ABI2: variants seen among roughly 807,000 people sequenced by gnomAD.
ABI2 encodes the protein abelson interactor 2.
ABI2 carries 25 observed loss-of-function variants against 59.2 expected under a neutral mutation model. The observed-to-expected ratio is 0.42, with a 90% CI of 0.31 to 0.59. The LOEUF is 0.59. Among genes scored for constraint, ABI2 ranks in the 20% least tolerant of loss-of-function variants. The pLI is 0.14. For missense variants in ABI2, 545 were observed against 681.8 expected (o/e 0.80, Z 2.23); for synonymous variants, 213 against 235.5 (o/e 0.90, Z 0.87).
chr2:203,369,286 T>G (rs946286343), intron 2 of ABI2, among the ~76,000 whole-genome samples: 1 of 151,998 alleles, frequency 6.6e-6, no homozygotes, highest in Non-Finnish European at 1.5e-5. Context: ...AGAACAAATA[T>G]AGAAGAGAAA....
chr2:203,385,560 G>A (rs2096467454), intron 4 of ABI2, among the ~76,000 whole-genome samples: 1 of 152,200 alleles, frequency 6.6e-6, no homozygotes, highest in Non-Finnish European at 1.5e-5. Context: ...AAAATGGACT[G>A]TTTTCACTTG....
chr2:203,372,645 C>T (rs1257442889), intron 2 of ABI2, among the ~76,000 whole-genome samples: 6 of 151,634 alleles, frequency 4.0e-5, no homozygotes, highest in Non-Finnish European at 5.9e-5. Flanking sequence ...GGCAGCTGGC[C>T]GGGCAGAGGG....
intron 6 of ABI2, 167 bp downstream of exon 6, chr2:203,395,013 T>C (rs2096915390): frequency 1.2e-6 from 1 of 818,502 alleles, no homozygotes; most frequent in Non-Finnish European, 2.0e-6. Context: ...GATTCAACTT[T>C]GAGCAGTCAG....
chr2:203,367,071 C>T (rs749300109), intron 2 of ABI2, 27 bp downstream of exon 2: 66 of 1,593,846 alleles, frequency 4.1e-5, no homozygotes, highest in Non-Finnish European at 5.6e-5. Flanking sequence ...TTCCTATTTG[C>T]CTATGAGGAA....
intron 11 of ABI2, 57 bp from the exon 12 acceptor site, chr2:203,427,120 T>C: frequency 6.6e-7 from 1 of 1,512,312 alleles, no homozygotes. Flanking sequence ...GGCTTGGTTC[T>C]GTCTTTCTAG....
intron 9 of ABI2, among the ~76,000 whole-genome samples, chr2:203,406,014 C>T (rs1169819511): frequency 2.0e-5 from 3 of 152,084 alleles, no homozygotes; most frequent in Non-Finnish European, 4.4e-5. Context: ...ACCCTTTGAT[C>T]AGGGCATAAC....
At chr2:203,422,067 C>T (rs559459645) in intron 11 of ABI2, among the ~76,000 whole-genome samples, 5 of 151,796 alleles carry the variant, frequency 3.3e-5, no homozygotes, top group African/African-American at 7.3e-5. Context: ...AGGCTGAGGC[C>T]GGCGGATTGC....
intron 9 of ABI2, 83 bp from the exon 10 acceptor site, chr2:203,411,202 G>A: frequency 1.9e-6 from 2 of 1,051,684 alleles, no homozygotes; most frequent in Admixed American, 1.8e-5. Context: ...CCTCCTTTAT[G>A]TGTTTATTTT....
At chr2:203,423,640 G>A (rs1324026740) in intron 11 of ABI2, among the ~76,000 whole-genome samples, 2 of 152,168 alleles carry the variant, frequency 1.3e-5, no homozygotes, top group Non-Finnish European at 2.9e-5. Flanking sequence ...GGCCAGGCTG[G>A]TCTCAAACCT....
At chr2:203,374,672 A>G (rs1423259302) in intron 2 of ABI2, 2 of 336,136 alleles carry the variant, frequency 5.9e-6, no homozygotes, top group Admixed American at 6.0e-5. Context: ...GTTAGTAACT[A>G]ATTTGTTTTA....
intron 2 of ABI2, among the ~76,000 whole-genome samples, chr2:203,372,061 C>T (rs982728244): frequency 1.3e-5 from 2 of 151,890 alleles, no homozygotes. Context: ...TTTTCCTAGG[C>T]AGAGGACCCT....
chr2:203,396,476 A>G (rs2096990682), intron 7 of ABI2, among the ~76,000 whole-genome samples: 2 of 152,182 alleles, frequency 1.3e-5, no homozygotes, highest in African/African-American at 4.8e-5. Context: ...TTTGTATACT[A>G]TATACAGAAT....
At chr2:203,370,122 TTTG>T (rs144887679) in intron 2 of ABI2, among the ~76,000 whole-genome samples, 3,737 of 152,142 alleles carry the variant, frequency 0.025, 168 homozygotes, top group African/African-American at 0.086. Context: ...TATTTTAGGT[TTTG>T]TGGGCCATGT....
intron 1 of ABI2, among the ~76,000 whole-genome samples, chr2:203,358,941 G>A (rs1230046707): frequency 1.3e-5 from 2 of 152,182 alleles, no homozygotes; most frequent in Non-Finnish European, 2.9e-5. Flanking sequence ...GAGCCTGGGA[G>A]GCAGAGGTTG....
At chr2:203,386,711 C>T (rs2096539310) in intron 4 of ABI2, among the ~76,000 whole-genome samples, 2 of 146,736 alleles carry the variant, frequency 1.4e-5, no homozygotes, top group South Asian at 2.1e-4. Context: ...CGCTATGGCT[C>T]ACTGCAACCC....
At chr2:203,394,619 A>C in intron 5 of ABI2, 81 bp from the exon 6 acceptor site, 1 of 1,376,118 alleles carries the variant, frequency 7.3e-7, no homozygotes, top group Admixed American at 2.0e-5. Flanking sequence ...TACAAATTGT[A>C]TCTCAACTGC....
intron 9 of ABI2, among the ~76,000 whole-genome samples, 193 bp from the exon 10 acceptor site, chr2:203,411,092 C>T (rs903418196): frequency 2.6e-5 from 4 of 151,890 alleles, no homozygotes; most frequent in Non-Finnish European, 4.4e-5. Context: ...TTTTCAAAAA[C>T]TTACTAAAAA....
At chr2:203,333,456 G>A (rs1444785550) in intron 1 of ABI2, among the ~76,000 whole-genome samples, 2 of 152,048 alleles carry the variant, frequency 1.3e-5, no homozygotes, top group Non-Finnish European at 2.9e-5. Flanking sequence ...GTCGAGTTCT[G>A]TATGTTCTTG....
intron 1 of ABI2, among the ~76,000 whole-genome samples, chr2:203,336,380 C>T (rs1328158557): frequency 6.6e-6 from 1 of 152,308 alleles, no homozygotes; most frequent in East Asian, 1.9e-4. Context: ...TAGGCCAGTG[C>T]TTGAACTGCA....
Sources: allele counts gnomAD v4.1 joint callset (sites outside exome capture counted in the v4.1 genomes callset), GRCh38; gene constraint gnomAD v4.1.1; transcripts MANE v1.5; gene names NCBI Gene and HGNC (gene_info 2026-07-23, HGNC 2026-07-21).